STRA8: variants seen among roughly 807,000 people sequenced by gnomAD.
The protein encoded by STRA8 is stimulated by retinoic acid gene 8 protein homolog.
In STRA8, 18 loss-of-function variants were observed where a neutral mutation model predicts 37.1. That is an observed-to-expected ratio of 0.48 (90% confidence interval 0.34 to 0.72). The LOEUF is 0.72. Ranked by LOEUF, STRA8 falls within the 30% of genes least tolerant of loss-of-function variation. The pLI, the probability that STRA8 is intolerant of heterozygous loss-of-function variation, is 0.01. For synonymous variants in STRA8, 168 were observed against 162.9 expected, an observed-to-expected ratio of 1.03 and a Z score of -0.24; for missense variants, 357 against 410.4, an observed-to-expected ratio of 0.87 and a Z score of 1.13.
chr7:135,241,021 A>G (rs1054988954), intron 2 of STRA8, among the ~76,000 whole-genome samples: 31 of 152,182 alleles, frequency 2.0e-4, no homozygotes, highest in African/African-American at 7.5e-4. Flanking sequence ...AGGTTCCCTC[A>G]GGACTCTTTT....
chr7:135,246,167 A>C lies in STRA8; in HGVS notation c.594-250A>C. On this transcript the variant is annotated intron_variant, in intron 5 of 8. Coordinates refer to ENST00000662584, the MANE Select transcript of STRA8 (RefSeq NM_001394401.1). The surrounding 1 kb of genome is among the most constrained non-coding windows in gnomAD (Gnocchi z 5.4). ...CTTATCTGCTTCTGTCTAACACAGA[A>C]GGCTTCATGGGGCAGGGACTGGGAG... 1.8e-6 allele frequency: 1 copy of C among 567,254 alleles called. No homozygotes were observed. The highest frequency in any genetic ancestry group is 2.1e-5 in the South Asian group (1 of 47,666). 35.1% of individuals were successfully genotyped at this position (567,254 alleles called of 1,614,324 possible).
chr7:135,253,231 G>C (rs533968605), intron 7 of STRA8, among the ~76,000 whole-genome samples: 4 of 152,334 alleles, frequency 2.6e-5, no homozygotes, highest in Non-Finnish European at 5.9e-5. Flanking sequence ...ACAGCGCCTG[G>C]CTCTGGGGCC....
rs1479514746 is a variant in STRA8, at chr7:135,246,494, C to G, written c.671C>G (p.Pro224Arg). ...GIITPQEAAL[P>R]IVSAAISHLW... ...ATTACCCCGCAGGAGGCGGCGCTGC[C>G]CATCGTCTCCGCGGCCATCTCCCAC... The change falls in exon 6 of 9, where the codon CCC becomes CGC. Residue 224 changes from proline (P) to arginine (R), a missense_variant. Transcript: ENST00000662584. This position sits in a 1 kb window ranked among gnomAD's most constrained non-coding sequence, Gnocchi z 5.4. 1.3e-6 allele frequency: 2 copies of G among 1,580,068 alleles called. No homozygotes were observed. The highest frequency in any genetic ancestry group is 3.6e-5 in the Admixed American group (2 of 55,764).
intron 1 of STRA8, 59 bp from the exon 2 acceptor site, chr7:135,240,460 C>G: frequency 6.4e-7 from 1 of 1,560,026 alleles, no homozygotes; most frequent in African/African-American, 1.4e-5. Flanking sequence ...CTTCCTTTTC[C>G]TTTAATATTG....
At chr7:135,257,350 G>A (rs1215544325) in intron 8 of STRA8, among the ~76,000 whole-genome samples, 1 of 152,206 alleles carries the variant, frequency 6.6e-6, no homozygotes, top group Admixed American at 6.5e-5. Context: ...TATTTTTAGA[G>A]GAAGAAGTCA....
intron 7 of STRA8, among the ~76,000 whole-genome samples, chr7:135,252,556 C>G (rs1832652248): frequency 6.6e-6 from 1 of 152,068 alleles, no homozygotes; most frequent in Non-Finnish European, 1.5e-5. Flanking sequence ...TGTCATTGCC[C>G]TGGGGATGAC....
intron 1 of STRA8, among the ~76,000 whole-genome samples, chr7:135,237,690 G>C (rs1392669921): frequency 6.6e-6 from 1 of 152,110 alleles, no homozygotes; most frequent in South Asian, 2.1e-4. Flanking sequence ...TCAGGAGTTC[G>C]AGACCAGCCT....
chr7:135,257,813 C>A (rs1419309651), intron 8 of STRA8, among the ~76,000 whole-genome samples: 4 of 135,086 alleles, frequency 3.0e-5, no homozygotes, highest in African/African-American at 1.3e-4. Flanking sequence ...AAAAGATATA[C>A]AATGGACACT....
At position 135,246,285 on chromosome 7, in the gene STRA8, GAGAAGTCTC is replaced by G. The variant is rs1832551655; in HGVS notation, c.594-129_594-121del. ...CAAGGGCCAGGGGCGTGCAGAGTCT[GAGAAGTCTC>G]AGCCCTGGTGAGCCGTGGCGCCGTG... is the stretch of plus-strand genomic sequence containing the variant. On this transcript the variant is annotated intron_variant, in intron 5 of 8. Transcript: ENST00000662584. This position sits in a 1 kb window ranked among gnomAD's most constrained non-coding sequence, Gnocchi z 5.4. 6.6e-6 allele frequency: 8 copies of G among 1,216,140 alleles called. No individual in the cohort carries two copies. In the Admixed American group the frequency reaches 1.6e-4, roughly 24 times the overall value. 75.3% of individuals were successfully genotyped at this position (1,216,140 alleles called of 1,614,324 possible). A position where few individuals can be genotyped will look rare whatever the true frequency, so the allele number is the denominator to read the frequency against.
intron 6 of STRA8, among the ~76,000 whole-genome samples, chr7:135,249,016 C>A (rs2033050): frequency 0.25 from 37,408 of 152,068 alleles, 5,582 homozygotes; most frequent in East Asian, 0.56. Context: ...TATGAAAGGG[C>A]AGCCAAACAG....
upstream of STRA8, among the ~76,000 whole-genome samples, chr7:135,233,213 C>A (rs1832318403): frequency 6.6e-6 from 1 of 152,156 alleles, no homozygotes; most frequent in Admixed American, 6.5e-5. Context: ...AACCCCTTTT[C>A]TCTCTTATTC....
In STRA8 at chr7:135,243,406, G is replaced by T; in HGVS notation, c.349G>T (p.Asp117Tyr). ...ATATGCCAGCATGTATTCTGGAAAT[G>T]ACAGGTAAGACACCACAAACCCCAG... is the stretch of plus-strand genomic sequence containing the variant. ...KEYASMYSGNDSLLSNSFPQN... is the reference protein window; with the variant it reads ...KEYASMYSGNYSLLSNSFPQN... The change falls in exon 4 of 9, where the codon GAC becomes TAC. Residue 117 changes from aspartate to tyrosine, a missense_variant. Transcript: ENST00000662584. The T allele has an allele frequency of 6.2e-7, 1 of 1,613,932 alleles. No homozygotes were observed. The highest frequency in any genetic ancestry group is 8.5e-7 in the Non-Finnish European group (1 of 1,179,908).
intron 8 of STRA8, 57 bp from the exon 9 acceptor site, chr7:135,258,361 C>A (rs1020305287): frequency 1.4e-5 from 21 of 1,456,976 alleles, no homozygotes; most frequent in African/African-American, 2.8e-5. Flanking sequence ...TTCCTATCTG[C>A]CTCGGGCCCA....
rs780624938 is a variant in STRA8, at chr7:135,242,897, A to G, written c.268+41A>G. On this transcript the variant is annotated intron_variant, in intron 3 of 8. Transcript: ENST00000662584. ...TTGCCAACCCCATCTCCCTCCCTGG[A>G]GAAAACTGGATCTGTTTTTCTATTG... 8 of 1,589,616 alleles carry G rather than the reference A, an allele frequency of 5.0e-6. No homozygotes were observed. In the Admixed American group the frequency reaches 1.4e-4, roughly 27 times the overall value.
upstream of STRA8, among the ~76,000 whole-genome samples, chr7:135,233,585 C>T (rs754406016): frequency 1.3e-5 from 2 of 152,216 alleles, no homozygotes; most frequent in East Asian, 1.9e-4. Context: ...ATTACTGACG[C>T]GAGGGTCCCC....
At chr7:135,252,039 T>TGTGTGTGTGTGTGTGC (rs1342960899) in intron 7 of STRA8, among the ~76,000 whole-genome samples, 170 bp downstream of exon 7, 3 of 151,646 alleles carry the variant, frequency 2.0e-5, no homozygotes, top group African/African-American at 7.3e-5. Flanking sequence ...TGTGTGTGTG[T>TGTGTGTGTGTGTGTGC]GTGTGTGCAC....
intron 1 of STRA8, among the ~76,000 whole-genome samples, chr7:135,234,219 G>T (rs1039402286): frequency 6.6e-6 from 1 of 152,082 alleles, no homozygotes; most frequent in African/African-American, 2.4e-5. Context: ...CGATTCTCCT[G>T]CCTCAGCTTC....
chr7:135,258,424 T>G lies in STRA8; in HGVS notation c.1072T>G (p.Ser358Ala), dbSNP rs1385255348. ...TCCACCCTGTGTCTTGCAGGAAGCA[T>G]CCTTTCCCGTTGATGAAGAGATGAT... is the stretch of plus-strand genomic sequence containing the variant. ...CANTQVKQEA[S>A]FPVDEEMIML... The change falls in exon 9 of 9, where the codon TCC (serine) becomes GCC (alanine). Residue 358 changes from serine to alanine, a missense_variant. Ser to Ala is a moderately conservative substitution (Grantham distance 99). Coordinates refer to ENST00000662584, the MANE Select transcript of STRA8 (RefSeq NM_001394401.1). 6.2e-7 allele frequency: 1 copy of G among 1,603,452 alleles called. No homozygotes were observed. The highest frequency in any genetic ancestry group is 8.5e-7 in the Non-Finnish European group (1 of 1,174,696).
chr7:135,252,013 A>AGTGG (rs1554407998), intron 7 of STRA8, 144 bp downstream of exon 7: 3 of 505,292 alleles, frequency 5.9e-6, no homozygotes, highest in East Asian at 7.2e-5. Context: ...AGAGAGAGAG[A>AGTGG]GTGTGTGTGT....
Sources: gnomAD v4.1 joint callset for allele counts (sites outside exome capture counted in the v4.1 genomes callset) on GRCh38, gnomAD v4.1.1 for gene constraint, Gnocchi (gnomAD v3.1) non-coding constraint, MANE v1.5 for transcripts, NCBI Gene and HGNC (gene_info 2026-07-23, HGNC 2026-07-21) for gene names.